Variants in EPHA6 observed in about 807,000 individuals in gnomAD.
The protein encoded by EPHA6 is ephrin type-A receptor 6.
Under a neutral mutation model 112.0 loss-of-function variants are expected in EPHA6, and 50 were observed. That is an observed-to-expected ratio of 0.45 (90% CI 0.36 to 0.56). The LOEUF (loss-of-function observed/expected upper bound fraction) is 0.56, where lower values mean the gene tolerates loss of function less well. Ranked by LOEUF, EPHA6 falls within the 20% of genes least tolerant of loss-of-function variation. The probability of loss-of-function intolerance (pLI) is 0.00; values close to 1 mark genes in which losing one functional copy is unlikely to be tolerated. For missense variants in EPHA6, 1,280 were observed against 1,417.4 expected, an observed-to-expected ratio of 0.90 and a Z score of 1.56; for synonymous variants, 529 against 490.7, an observed-to-expected ratio of 1.08 and a Z score of -1.03.
At chr3:97,403,952 T>G (rs1044033354) in intron 5 of EPHA6, among the ~76,000 whole-genome samples, 2 of 152,142 alleles carry the variant, frequency 1.3e-5, no homozygotes, top group Non-Finnish European at 2.9e-5. Flanking sequence ...CTTACTTTCT[T>G]CAGTTAAAAA....
At chr3:97,032,739 G>A (rs1177583438) in intron 3 of EPHA6, among the ~76,000 whole-genome samples, 1 of 151,934 alleles carries the variant, frequency 6.6e-6, no homozygotes, top group Middle Eastern at 3.2e-3. Flanking sequence ...CACACTATGA[G>A]GTACTGTTGT....
At chr3:97,099,916 G>T (rs1559727971) in intron 3 of EPHA6, among the ~76,000 whole-genome samples, 3 of 151,956 alleles carry the variant, frequency 2.0e-5, no homozygotes, top group Admixed American at 1.3e-4. Context: ...TTTTGTTATT[G>T]CTGTTAGTCT....
chr3:97,442,879 A>G (rs2090185088), intron 6 of EPHA6, among the ~76,000 whole-genome samples: 1 of 152,106 alleles, frequency 6.6e-6, no homozygotes, highest in Admixed American at 6.6e-5. Flanking sequence ...GACCAAATCT[A>G]GTATTCAAAC....
Position 97,065,075 on chromosome 3 carries a change from C to A in EPHA6, c.1114+77082C>A, listed in dbSNP as rs7644081. ...ATATATCTGCTATGAAAATTAATAC[C>A]TTAAGCTGTGACTGTCAAAATTCTT... On this transcript the variant is annotated intron_variant, in intron 3 of 17. Transcript: ENST00000389672. Among the ~76,000 whole-genome samples the A allele has an allele frequency of 2.8e-3, 422 of 152,100 alleles. 4 individuals are homozygous for A. Among genetic ancestry groups the A allele is most frequent in the African/African-American group, 9.7e-3 (404 of 41,510 alleles).
At position 97,513,823 on chromosome 3, in the gene EPHA6, C is replaced by G. The variant is rs151135633; in HGVS notation, c.2201-18535C>G. 6.5e-3 allele frequency among the ~76,000 whole-genome samples: 993 copies of G among 151,692 alleles called. 12 individuals carry two copies. Among genetic ancestry groups the G allele is most frequent in the African/African-American group, 0.022 (913 of 41,338 alleles). ...ATATATATAAACATCACACTATGCCCCATAAATTTGTACAATTATTATGTA... is the reference window on the plus strand; with the variant it reads ...ATATATATAAACATCACACTATGCCGCATAAATTTGTACAATTATTATGTA... On this transcript the variant is annotated intron_variant, in intron 10 of 17. Transcript: ENST00000389672.
chr3:97,151,646 T>C (rs1236474538), intron 3 of EPHA6, among the ~76,000 whole-genome samples: 1 of 152,096 alleles, frequency 6.6e-6, no homozygotes, highest in Non-Finnish European at 1.5e-5. Context: ...AATATAATTA[T>C]ATTTTGTGCC....
At chr3:97,667,577 T>G (rs1318944483) in intron 14 of EPHA6, among the ~76,000 whole-genome samples, 1 of 152,206 alleles carries the variant, frequency 6.6e-6, no homozygotes, top group Non-Finnish European at 1.5e-5. Flanking sequence ...ATTTTTCCAT[T>G]TACAATTTAA....
chr3:96,943,863 T>G lies in EPHA6; in HGVS notation c.451-43467T>G, dbSNP rs560631069. Among the ~76,000 whole-genome samples, 17 of 152,146 alleles carry G rather than the reference T, an allele frequency of 1.1e-4. No individual in the cohort carries two copies. In the South Asian group the frequency reaches 3.5e-3, roughly 32 times the overall value. On this transcript the variant is annotated intron_variant, in intron 2 of 17. Transcript: ENST00000389672. ...GAAAAAAGTATCTGTAAAATGAAAT[T>G]TAAGGAGATAAGAAAGGAATGAATT...
intron 5 of EPHA6, among the ~76,000 whole-genome samples, chr3:97,384,800 A>G (rs1248127333): frequency 6.6e-6 from 1 of 152,142 alleles, no homozygotes; most frequent in African/African-American, 2.4e-5. Flanking sequence ...TTTCCCAAAC[A>G]TAGTTGACTA....
intron 3 of EPHA6, among the ~76,000 whole-genome samples, chr3:97,145,475 C>A (rs999143119): frequency 6.7e-6 from 1 of 149,600 alleles, no homozygotes; most frequent in Non-Finnish European, 1.5e-5. Context: ...ATTTTTATTT[C>A]TCTTGATTTT....
intron 11 of EPHA6, among the ~76,000 whole-genome samples, chr3:97,538,981 C>CTCTTTCTTTGTT (rs2092801243): frequency 1.5e-5 from 2 of 130,156 alleles, no homozygotes; most frequent in Non-Finnish European, 3.2e-5. Flanking sequence ...CACTTTCTCT[C>CTCTTTCTTTGTT]TCTTTCTTTC....
chr3:97,233,840 A>G (rs2108560779), intron 4 of EPHA6, among the ~76,000 whole-genome samples: 1 of 152,304 alleles, frequency 6.6e-6, no homozygotes, highest in African/African-American at 2.4e-5. Context: ...AAGAACTAAA[A>G]TTGTGGAAAT....
intron 5 of EPHA6, among the ~76,000 whole-genome samples, chr3:97,299,450 A>G (rs189065841): frequency 6.8e-4 from 104 of 152,282 alleles, no homozygotes; most frequent in African/African-American, 2.3e-3. Flanking sequence ...AAGGAAATAA[A>G]TGTGGGAGAG....
intron 6 of EPHA6, among the ~76,000 whole-genome samples, chr3:97,415,752 A>G (rs2088072781): frequency 6.6e-6 from 1 of 152,106 alleles, no homozygotes; most frequent in Non-Finnish European, 1.5e-5. Context: ...TGATAAATTA[A>G]ATGATCAGTA....
chr3:97,532,519 C>A lies in EPHA6; in HGVS notation c.2362C>A (p.Arg788Ser). The A allele has an allele frequency of 6.2e-7, 1 of 1,607,730 alleles. No homozygotes were observed. Among genetic ancestry groups the A allele is most frequent in the African/African-American group, 1.3e-5 (1 of 74,552 alleles). Residue 788 changes from arginine (R) to serine (S), a missense_variant, in exon 11 of 18, where the codon CGC becomes AGC. Around this residue, in one of 4 missense-constraint regions of EPHA6, gnomAD observed 878 missense variants for 999.7 expected, o/e 0.88. Transcript: ENST00000389672. Reference sequence around the variant, plus strand: ...CCAGTTTGACCATCCAAACATCATTCGCCTAGAAGGGGTTGTCACCAAAAG... The same window carrying A: ...CCAGTTTGACCATCCAAACATCATTAGCCTAGAAGGGGTTGTCACCAAAAG... ...MGQFDHPNII[R>S]LEGVVTKRSF...
chr3:97,346,745 T>C lies in EPHA6; in HGVS notation c.1607-58405T>C, dbSNP rs537316927. 1.4e-4 allele frequency among the ~76,000 whole-genome samples: 21 copies of C among 152,120 alleles called. No homozygotes were observed. In the South Asian group the frequency reaches 4.2e-3, roughly 30 times the overall value. ...GAGGCTGGAAAATGTAGTCTTTAGC[T>C]GGGATACCAAATGTCTATATTCTAG... On this transcript the variant is annotated intron_variant, in intron 5 of 17. Coordinates refer to ENST00000389672, the MANE Select transcript of EPHA6 (RefSeq NM_001080448.3).
At chr3:96,985,242 A>G (rs957044142) in intron 2 of EPHA6, among the ~76,000 whole-genome samples, 2 of 152,200 alleles carry the variant, frequency 1.3e-5, no homozygotes, top group Non-Finnish European at 2.9e-5. Flanking sequence ...TAAAGGATGT[A>G]GTATAGACAT....
chr3:97,619,157 A>G (rs1164892304), intron 13 of EPHA6, among the ~76,000 whole-genome samples: 1 of 130,456 alleles, frequency 7.7e-6, no homozygotes, highest in Non-Finnish European at 1.5e-5. Context: ...AGAACTAAAA[A>G]CAAAAACCAC....
At chr3:97,087,287 G>T (rs2046932388) in intron 3 of EPHA6, among the ~76,000 whole-genome samples, 2 of 152,230 alleles carry the variant, frequency 1.3e-5, no homozygotes, top group East Asian at 3.9e-4. Context: ...GTTGTGTCTA[G>T]ACTTCTGATG....
Sources: gnomAD v4.1 joint callset for allele counts (sites outside exome capture counted in the v4.1 genomes callset) on GRCh38, gnomAD v4.1.1 for gene constraint, gnomAD v4.1.1 regional missense constraint, MANE v1.5 for transcripts, NCBI Gene and HGNC (gene_info 2026-07-23, HGNC 2026-07-21) for gene names.